ZNF37A: variants seen among roughly 807,000 people sequenced by gnomAD.
ZNF37A encodes the protein zinc finger protein 37A.
A neutral mutation model predicts 12.3 loss-of-function variants in ZNF37A; 10 were observed. The observed-to-expected ratio is 0.82, with a 90% CI of 0.50 to 1.38. The LOEUF is 1.38. Ranked by LOEUF, ZNF37A falls within the 40% of genes most tolerant of loss-of-function variation. ZNF37A has a pLI of 0.00. For missense variants in ZNF37A, 580 were observed against 651.2 expected, an observed-to-expected ratio of 0.89 and a Z score of 1.19; for synonymous variants, 207 against 223.0, an observed-to-expected ratio of 0.93 and a Z score of 0.64.
intron 7 of ZNF37A, chr10:38,139,560 G>A (rs2070154192): frequency 6.6e-6 from 1 of 152,148 alleles, no homozygotes. Flanking sequence ...TAGAGACGAT[G>A]TTTCACCATG....
chr10:38,125,592 T>C (rs2069913233), downstream of ZNF37A: 1 of 152,202 alleles, frequency 6.6e-6, no homozygotes, highest in Non-Finnish European at 1.5e-5. Flanking sequence ...GAATAAAATG[T>C]GTAGCTGTCA....
intron 7 of ZNF37A, among the ~76,000 whole-genome samples, chr10:38,145,897 G>A (rs927351827): frequency 1.3e-5 from 2 of 152,160 alleles, no homozygotes. Context: ...TCAGGGGCTC[G>A]AGACCAGCCT....
chr10:38,098,236 C>T (rs1482449683), intron 5 of ZNF37A, among the ~76,000 whole-genome samples: 2 of 152,146 alleles, frequency 1.3e-5, no homozygotes, highest in African/African-American at 4.8e-5. Context: ...CATTGGGGGT[C>T]ATCCTGTGTT....
intron 5 of ZNF37A, among the ~76,000 whole-genome samples, chr10:38,099,678 C>A (rs1406800088): frequency 6.6e-6 from 1 of 152,090 alleles, no homozygotes; most frequent in African/African-American, 2.4e-5. Flanking sequence ...TTTTTAATTT[C>A]TTGAGGAAAC....
In ZNF37A at chr10:38,119,212, G is replaced by T; in HGVS notation, c.*375G>T. On this transcript the variant is annotated 3_prime_UTR_variant, in exon 8 of 8. Transcript: ENST00000685332. ...CAGAATACCTGAGAAGACACACTTG[G>T]AGAAACCTTTTGGGTGTAATGAATG... The T allele has an allele frequency of 9.7e-7, 1 of 1,031,952 alleles. No homozygotes were observed. Among genetic ancestry groups the T allele is most frequent in the South Asian group, 4.1e-5 (1 of 24,384 alleles). 63.9% of individuals were successfully genotyped at this position (1,031,952 alleles called of 1,614,324 possible).
chr10:38,146,869 A>G, exon 8 of ZNF37A: 1 of 397,116 alleles, frequency 2.5e-6, no homozygotes, highest in Non-Finnish European at 4.4e-6. Context: ...CAAAGTGGGA[A>G]TCGGGGATAA....
intron 7 of ZNF37A, among the ~76,000 whole-genome samples, chr10:38,136,556 T>A (rs1395346753): frequency 6.6e-6 from 1 of 152,214 alleles, no homozygotes; most frequent in African/African-American, 2.4e-5. Context: ...ATGCGATGAG[T>A]CACTTCACTT....
At chr10:38,105,466 GTCT>G (rs1276618788) in intron 5 of ZNF37A, among the ~76,000 whole-genome samples, 1 of 152,132 alleles carries the variant, frequency 6.6e-6, no homozygotes. Flanking sequence ...ATTTGACTAA[GTCT>G]TCTTATTTTT....
intron 5 of ZNF37A, among the ~76,000 whole-genome samples, chr10:38,111,337 T>TG (rs2068632733): frequency 1.3e-5 from 2 of 148,820 alleles, no homozygotes; most frequent in African/African-American, 5.0e-5. Flanking sequence ...TGTCAGGGGG[T>TG]TGGGGGCTAG....
At chr10:38,107,590 T>G (rs1462036378) in intron 5 of ZNF37A, among the ~76,000 whole-genome samples, 2 of 152,168 alleles carry the variant, frequency 1.3e-5, no homozygotes. Context: ...CATCCATCAG[T>G]GTGCTGTATT....
rs531562323 is a variant in ZNF37A at position 38,114,751 on chromosome 10, C to T, written c.16-4C>T. On this transcript the variant is annotated splice_polypyrimidine_tract_variant and splice_region_variant and intron_variant, in intron 5 of 7. Transcript: ENST00000685332. ...TCAGACTGAGCAAAATTGTGATTTT[C>T]CAGGGATCAGTGTCGTTTAGGGATG... is the stretch of plus-strand genomic sequence containing the variant. 5.5e-5 allele frequency: 88 copies of T among 1,613,958 alleles called. 2 individuals carry two copies. The East Asian group carries it at 1.2e-3, about 22-fold the overall frequency.
rs943299462 is a variant in ZNF37A, at chr10:38,124,273, A to G, written c.*5436A>G. Reference sequence around the variant, plus strand: ...GACGTATTTGTTGGAGCTAAAGATGAAAACAACTGAACTTATAGAGGGTAG... The same window carrying G: ...GACGTATTTGTTGGAGCTAAAGATGGAAACAACTGAACTTATAGAGGGTAG... On this transcript the variant is annotated 3_prime_UTR_variant, in exon 8 of 8. Coordinates refer to ENST00000685332, the MANE Select transcript of ZNF37A (RefSeq NM_001324250.3). The G allele has an allele frequency of 6.6e-6, 1 of 152,208 alleles. No individual in the cohort carries two copies. The highest frequency in any genetic ancestry group is 2.4e-5 in the African/African-American group (1 of 41,464). 9.4% of individuals were successfully genotyped at this position (152,208 alleles called of 1,614,324 possible). A position where few individuals can be genotyped will look rare whatever the true frequency, so the allele number is the denominator to read the frequency against.
chr10:38,135,632 C>T lies in ZNF37A; in HGVS notation c.239-11100C>T, dbSNP rs1310660305. On this transcript the variant is annotated intron_variant, in intron 7 of 7. Transcript: ENST00000638053. ...ATTGCTATTAAGGAAGTATCTGACACTGGGTATTTAAAAAGAAAAGAGGTT... is the reference window on the plus strand; with the variant it reads ...ATTGCTATTAAGGAAGTATCTGACATTGGGTATTTAAAAAGAAAAGAGGTT... 2.0e-5 allele frequency among the ~76,000 whole-genome samples: 3 copies of T among 152,264 alleles called. No homozygotes were observed. In the East Asian group the frequency reaches 5.8e-4, roughly 29 times the overall value.
intron 7 of ZNF37A, chr10:38,138,552 G>A (rs1408687709): frequency 6.6e-6 from 1 of 152,192 alleles, no homozygotes; most frequent in Non-Finnish European, 1.5e-5. Flanking sequence ...ATACATATAT[G>A]TTTAAAACTT....
chr10:38,114,957 T>C (rs2069129460), intron 6 of ZNF37A, 76 bp downstream of exon 6: 1 of 1,511,350 alleles, frequency 6.6e-7, no homozygotes, highest in Non-Finnish European at 8.9e-7. Context: ...GTGGAACTTT[T>C]GTAAAATATA....
chr10:38,138,954 A>C (rs1201616051), intron 7 of ZNF37A: 1 of 152,068 alleles, frequency 6.6e-6, no homozygotes, highest in South Asian at 2.1e-4. Context: ...TGAATATCTA[A>C]CTTAACATTC....
intron 5 of ZNF37A, among the ~76,000 whole-genome samples, chr10:38,108,025 T>C (rs1406075236): frequency 6.6e-6 from 1 of 152,064 alleles, no homozygotes; most frequent in African/African-American, 2.4e-5. Context: ...TACAGAACTC[T>C]CCCCACCCAA....
Position 38,146,519 on chromosome 10 carries a change from C to T in ZNF37A, c.239-213C>T, listed in dbSNP as rs189550619. Among the ~76,000 whole-genome samples, 410 of 152,200 alleles carry T rather than the reference C, an allele frequency of 2.7e-3. 4 individuals carry two copies. The highest frequency in any genetic ancestry group is 9.3e-3 in the African/African-American group (386 of 41,522). On this transcript the variant is annotated intron_variant, in intron 7 of 7. Coordinates refer to the ZNF37A transcript ENST00000638053. ...TGGTGAAAAGACAGATCCCGAGAGA[C>T]AATGACAAAGATACTTGATTTCTAC...
At chr10:38,141,858 C>T (rs1370543979) in intron 7 of ZNF37A, 1 of 152,044 alleles carries the variant, frequency 6.6e-6, no homozygotes, top group Non-Finnish European at 1.5e-5. Flanking sequence ...GCCTGTAATC[C>T]CAGCACTTTG....
Sources: gnomAD v4.1 joint callset for allele counts (sites outside exome capture counted in the v4.1 genomes callset) on GRCh38, gnomAD v4.1.1 for gene constraint, MANE v1.5 for transcripts, NCBI Gene and HGNC (gene_info 2026-07-23, HGNC 2026-07-21) for gene names.